PTDSS2: variants seen among roughly 807,000 people sequenced by gnomAD.
PTDSS2 encodes the protein phosphatidylserine synthase 2.
Under a neutral mutation model 64.7 loss-of-function variants are expected in PTDSS2, and 41 were observed. That is an observed-to-expected ratio of 0.63 (90% CI 0.49 to 0.82). The LOEUF is 0.82. PTDSS2 is among the 40% of genes least tolerant of loss of function. PTDSS2 has a pLI of 0.00. For missense variants in PTDSS2, 485 were observed against 650.0 expected, an observed-to-expected ratio of 0.75 and a Z score of 2.76; for synonymous variants, 297 against 277.8, an observed-to-expected ratio of 1.07 and a Z score of -0.69.
chr11:487,397 G>C, intron 5 of PTDSS2, 23 bp from the exon 6 acceptor site: 1 of 1,612,618 alleles, frequency 6.2e-7, no homozygotes, highest in Non-Finnish European at 8.5e-7. Flanking sequence ...CCAGGGTCAA[G>C]GGTCATACCC....
At chr11:463,175 A>G (rs1846972668) in intron 2 of PTDSS2, 1 of 152,024 alleles carries the variant, frequency 6.6e-6, no homozygotes, top group South Asian at 2.1e-4. Flanking sequence ...AAAAAAAAAA[A>G]AAGAAAAGAA....
At chr11:467,885 C>CCATGGTGGCT (rs1847212438) in intron 2 of PTDSS2, among the ~76,000 whole-genome samples, 1 of 152,088 alleles carries the variant, frequency 6.6e-6, no homozygotes, top group Non-Finnish European at 1.5e-5. Flanking sequence ...GCTTATAATC[C>CCATGGTGGCT]CAGCAGTTTG....
rs149316958 is a variant in PTDSS2 at position 490,811 on chromosome 11, C to CGTGTGTACGCGTGTGTACGT, written c.*230_*231insTGTGTACGCGTGTGTACGTG. The CGTGTGTACGCGTGTGTACGT allele has an allele frequency of 5.2e-6, 3 of 581,980 alleles. No individual in the cohort carries two copies. Among genetic ancestry groups the CGTGTGTACGCGTGTGTACGT allele is most frequent in the Admixed American group, 6.3e-5 (2 of 31,884 alleles). The allele number at this position is 581,980 out of a possible 1,614,324, so 36.1% of individuals were successfully genotyped here. On this transcript the variant is annotated 3_prime_UTR_variant, in exon 12 of 12. Transcript: ENST00000308020. Reference sequence around the variant, plus strand: ...ATGCGTGTGTGTACGCGTGTGTACGCGCGTGTGTACACATGCGTGGCCGCC... The same window carrying CGTGTGTACGCGTGTGTACGT: ...ATGCGTGTGTGTACGCGTGTGTACGCGTGTGTACGCGTGTGTACGTGCGTGTGTACACATGCGTGGCCGCC...
At position 485,729 on chromosome 11, in the gene PTDSS2, G is replaced by A. The variant is rs1221874431; in HGVS notation, c.436-1210G>A. Among the ~76,000 whole-genome samples the A allele has an allele frequency of 4.9e-4, 68 of 138,948 alleles. 2 individuals are homozygous for A. Among genetic ancestry groups the A allele is most frequent in the Non-Finnish European group, 1.9e-4 (12 of 61,648 alleles). 91.2% of individuals were successfully genotyped at this position (138,948 alleles called of 152,430 possible). A position where few individuals can be genotyped will look rare whatever the true frequency, so the allele number is the denominator to read the frequency against. The stretch of plus-strand genomic sequence containing the variant: ...GCAGGCGAGTGTAAACTGCACGGGC[G>A]CGTGTGCTCACTGCGCAGGCGAGCG... On this transcript the variant is annotated intron_variant, in intron 4 of 11. Coordinates refer to ENST00000308020, the MANE Select transcript of PTDSS2 (RefSeq NM_030783.3).
intron 8 of PTDSS2, among the ~76,000 whole-genome samples, chr11:488,853 C>T (rs974193887): frequency 6.6e-6 from 1 of 152,228 alleles, no homozygotes; most frequent in Non-Finnish European, 1.5e-5. Flanking sequence ...TGGCGTCTGA[C>T]CCACGTACCT....
chr11:481,206 T>G (rs963025909), intron 4 of PTDSS2, among the ~76,000 whole-genome samples: 5 of 152,122 alleles, frequency 3.3e-5, no homozygotes, highest in Non-Finnish European at 5.9e-5. Flanking sequence ...GGCCCCTTGT[T>G]TTTGGTGAGC....
chr11:479,006 C>G lies in PTDSS2; in HGVS notation c.368-79C>G. The G allele has an allele frequency of 8.4e-7, 1 of 1,189,416 alleles. No individual in the cohort carries two copies. Among genetic ancestry groups the G allele is most frequent in the South Asian group, 1.2e-5 (1 of 81,154 alleles). 73.7% of individuals were successfully genotyped at this position (1,189,416 alleles called of 1,614,324 possible). A position where few individuals can be genotyped will look rare whatever the true frequency, so the allele number is the denominator to read the frequency against. Reference sequence around the variant, plus strand: ...AGAAGAGACACTGGGTGTGAAGGAGCCAGGAGCCGGCCTGGGGCTGAGCGG... The same window carrying G: ...AGAAGAGACACTGGGTGTGAAGGAGGCAGGAGCCGGCCTGGGGCTGAGCGG... On this transcript the variant is annotated intron_variant, in intron 3 of 11. Transcript: ENST00000308020. This position sits in a 1 kb window ranked among gnomAD's most constrained non-coding sequence, Gnocchi z 4.2.
At chr11:473,777 T>A in intron 2 of PTDSS2, 118 bp from the exon 3 acceptor site, 1 of 817,308 alleles carries the variant, frequency 1.2e-6, no homozygotes, top group South Asian at 1.4e-5. Flanking sequence ...GGCCCCTTCC[T>A]CCCGCCCCAG....
In PTDSS2 at chr11:490,921, T is replaced by C. The variant is rs1848657171; in HGVS notation, c.*339T>C. 1 of 310,808 alleles carries C rather than the reference T, an allele frequency of 3.2e-6. No homozygotes were observed. The highest frequency in any genetic ancestry group is 2.2e-5 in the African/African-American group (1 of 46,060). 19.3% of individuals were successfully genotyped at this position (310,808 alleles called of 1,614,324 possible). On this transcript the variant is annotated 3_prime_UTR_variant, in exon 12 of 12. Transcript: ENST00000308020. ...GTGGCAAGGGCATGCTCTGGGGCAG[T>C]GTGTCCCTCAGGAACCAGGGTCCTC... is the stretch of plus-strand genomic sequence containing the variant.
chr11:486,489 G>A (rs1848395573), intron 4 of PTDSS2, among the ~76,000 whole-genome samples: 1 of 152,194 alleles, frequency 6.6e-6, no homozygotes, highest in Non-Finnish European at 1.5e-5. Flanking sequence ...CCCTGGGGTG[G>A]GGAGGGCTGC....
rs181179731 is a variant in PTDSS2, at chr11:476,724, G to A, written c.368-2361G>A. On this transcript the variant is annotated intron_variant, in intron 3 of 11. Transcript: ENST00000308020. This position sits in a 1 kb window ranked among gnomAD's most constrained non-coding sequence, Gnocchi z 4.9. ...CTTGGCGCTTCCAAAAGCTCCGGCC[G>A]CGGCGTCTCTTGAGTTGTGGCTCGT... Among the ~76,000 whole-genome samples, 16 of 152,284 alleles carry A rather than the reference G, an allele frequency of 1.1e-4. No homozygotes were observed. The East Asian group carries it at 1.9e-3, about 18-fold the overall frequency.
At position 468,160 on chromosome 11, in the gene PTDSS2, G is replaced by A. The variant is rs978379119; in HGVS notation, c.285-5735G>A. Among the ~76,000 whole-genome samples, 7 of 152,302 alleles carry A rather than the reference G, an allele frequency of 4.6e-5. No individual in the cohort carries two copies. The South Asian group carries it at 8.3e-4, about 18-fold the overall frequency. On this transcript the variant is annotated intron_variant, in intron 2 of 11. Coordinates refer to ENST00000308020, the MANE Select transcript of PTDSS2 (RefSeq NM_030783.3). Reference sequence around the variant, plus strand: ...ATAGTAATGAGCATTAAGCCACTGCGACCGGGAGGAACCTTAAATACATGT... The same window carrying A: ...ATAGTAATGAGCATTAAGCCACTGCAACCGGGAGGAACCTTAAATACATGT...
chr11:453,163 C>G (rs1846421882), intron 1 of PTDSS2, among the ~76,000 whole-genome samples: 1 of 152,116 alleles, frequency 6.6e-6, no homozygotes, highest in Non-Finnish European at 1.5e-5. Context: ...CTTGACTGGC[C>G]CTGGGAGCAC....
Position 489,610 on chromosome 11 carries a change from C to T in PTDSS2, c.992C>T (p.Thr331Met), listed in dbSNP as rs762501410. The change falls in exon 10 of 12, where the codon ACG becomes ATG. Residue 331 changes from threonine to methionine, a missense_variant. Transcript: ENST00000308020. ...TAGTTCCTGTTGGCAGAACTGAACA[C>T]GTTCTACCTGAAGTTTGTGCTGTGG... Reference protein sequence around the residue: ...ILVFLLAELNTFYLKFVLWMP... With the variant: ...ILVFLLAELNMFYLKFVLWMP... 11 of 1,596,804 alleles carry T rather than the reference C, an allele frequency of 6.9e-6. No individual in the cohort carries two copies. Among genetic ancestry groups the T allele is most frequent in the East Asian group, 2.3e-5 (1 of 44,036 alleles).
At chr11:465,761 C>T (rs963796080) in intron 2 of PTDSS2, among the ~76,000 whole-genome samples, 4 of 151,248 alleles carry the variant, frequency 2.6e-5, no homozygotes, top group African/African-American at 4.9e-5. Flanking sequence ...CCACCCCCCC[C>T]CCATCTCTAC....
intron 1 of PTDSS2, among the ~76,000 whole-genome samples, chr11:451,810 G>A (rs1846342619): frequency 6.6e-6 from 1 of 152,212 alleles, no homozygotes; most frequent in African/African-American, 2.4e-5. Context: ...TTAGGGTGGA[G>A]GAGGCCCCAC....
chr11:480,582 G>A lies in PTDSS2; in HGVS notation c.435+1430G>A, dbSNP rs557555791. ...TCTTTTACTATTTATTTTTTGAGAC[G>A]ACGTCTTACTCTGTCACCCAGGCTG... On this transcript the variant is annotated intron_variant, in intron 4 of 11. Transcript: ENST00000308020. 4.4e-5 allele frequency: 7 copies of A among 157,540 alleles called. No homozygotes were observed. In the East Asian group the frequency reaches 5.8e-4, roughly 13 times the overall value. The allele number at this position is 157,540 out of a possible 1,614,324, so 9.8% of individuals were successfully genotyped here.
chr11:464,032 C>T (rs1847030407), intron 2 of PTDSS2: 1 of 151,648 alleles, frequency 6.6e-6, no homozygotes, highest in South Asian at 2.1e-4. Context: ...GTTGCCCAGG[C>T]TGGAGTGCAG....
At position 450,301 on chromosome 11, in the gene PTDSS2, C is replaced by G; in HGVS notation, c.-155C>G. The G allele has an allele frequency of 3.7e-6, 2 of 534,846 alleles. No individual in the cohort carries two copies. The highest frequency in any genetic ancestry group is 5.6e-6 in the Non-Finnish European group (2 of 357,672). 33.1% of individuals were successfully genotyped at this position (534,846 alleles called of 1,614,324 possible). On this transcript the variant is annotated 5_prime_UTR_variant, in exon 1 of 12. Transcript: ENST00000308020. ...CCCACAATGCACCGCACACCCTTTA[C>G]TGGCCGGCCCCGCGCTGCTCTCCTA...
Sources: allele counts gnomAD v4.1 joint callset (sites outside exome capture counted in the v4.1 genomes callset), GRCh38; gene constraint gnomAD v4.1.1; non-coding constraint Gnocchi (gnomAD v3.1); transcripts MANE v1.5; gene names NCBI Gene and HGNC (gene_info 2026-07-23, HGNC 2026-07-21).